Variants in BTNL8 observed in about 807,000 individuals in gnomAD.
BTNL8 encodes butyrophilin like 8, also known as butyrophilin-like protein 8.
BTNL8 carries 22 observed loss-of-function variants against 36.1 expected under a neutral mutation model. The ratio of observed to expected loss-of-function variants is 0.61; its 90% CI spans 0.44 to 0.87. The LOEUF (loss-of-function observed/expected upper bound fraction) is 0.87. Among genes scored for constraint, BTNL8 ranks in the 40% least tolerant of loss-of-function variants. The probability of loss-of-function intolerance (pLI) is 0.00; values close to 1 mark genes in which losing one functional copy is unlikely to be tolerated. For synonymous variants in BTNL8, 203 were observed against 235.6 expected, an observed-to-expected ratio of 0.86 and a Z score of 1.27; for missense variants, 526 against 616.9, an observed-to-expected ratio of 0.85 and a Z score of 1.56.
At chr5:180,923,785 A>G (rs1359572363) in intron 3 of BTNL8, among the ~76,000 whole-genome samples, 1 of 152,250 alleles carries the variant, frequency 6.6e-6, no homozygotes, top group East Asian at 1.9e-4. Context: ...CTTTCAATTT[A>G]TACTTCATTA....
At chr5:180,909,279 A>C (rs1443624176) in intron 2 of BTNL8, among the ~76,000 whole-genome samples, 1 of 152,228 alleles carries the variant, frequency 6.6e-6, no homozygotes, top group Non-Finnish European at 1.5e-5. Flanking sequence ...TTCACACCGC[A>C]GGTGACCTTT....
intron 7 of BTNL8, 173 bp from the exon 8 acceptor site, chr5:180,949,731 C>A: frequency 1.2e-6 from 1 of 817,156 alleles, no homozygotes; most frequent in East Asian, 2.8e-5. Context: ...ATGAGTCCTC[C>A]AGGCTGCACT....
At chr5:180,941,110 G>GAGGAAAGAAGGA (rs1758917820) in intron 3 of BTNL8, among the ~76,000 whole-genome samples, 1 of 126,820 alleles carries the variant, frequency 7.9e-6, no homozygotes, top group Non-Finnish European at 1.6e-5. Context: ...GGAAGGAAGG[G>GAGGAAAGAAGGA]AGGAAGGAAG....
rs141812934 is a variant in BTNL8 at position 180,900,855 on chromosome 5, A to G, written c.49+1496A>G. On this transcript the variant is annotated intron_variant, in intron 1 of 7. Coordinates refer to ENST00000340184, the MANE Select transcript of BTNL8 (RefSeq NM_001040462.3). ...GATGGTGGCTCAGAGTCATTCCAAC[A>G]TCTACTGTCTCCTTTCCCCACTGGG... Among the ~76,000 whole-genome samples the G allele has an allele frequency of 6.6e-3, 1,009 of 152,326 alleles. 9 individuals carry two copies. Among genetic ancestry groups the G allele is most frequent in the African/African-American group, 0.023 (960 of 41,574 alleles).
intron 1 of BTNL8, 146 bp from the exon 2 acceptor site, chr5:180,908,440 C>G (rs1448019891): frequency 7.7e-6 from 6 of 780,190 alleles, no homozygotes; most frequent in Non-Finnish European, 8.1e-6. Flanking sequence ...AACCCGGTAC[C>G]TCAGATGGAA....
intron 3 of BTNL8, among the ~76,000 whole-genome samples, chr5:180,945,241 A>G (rs1759179327): frequency 6.6e-6 from 1 of 152,234 alleles, no homozygotes; most frequent in South Asian, 2.1e-4. Context: ...AATAAATGAT[A>G]TTGAAACAAG....
intron 1 of BTNL8, among the ~76,000 whole-genome samples, chr5:180,906,094 G>A (rs10479590): frequency 0.3 from 36,645 of 121,552 alleles, 6,676 homozygotes; most frequent in African/African-American, 0.5. Context: ...TTTCTGTCTC[G>A]TTGATCTATC....
intron 1 of BTNL8, among the ~76,000 whole-genome samples, chr5:180,907,656 G>A (rs1349619805): frequency 3.7e-4 from 56 of 150,740 alleles, no homozygotes; most frequent in South Asian, 1.0e-3. Context: ...TTGTGGTTTT[G>A]TCTACTTTTG....
At chr5:180,931,760 ACCATCTTGTG>A (rs1758395582) in intron 3 of BTNL8, among the ~76,000 whole-genome samples, 1 of 152,228 alleles carries the variant, frequency 6.6e-6, no homozygotes, top group Admixed American at 6.5e-5. Context: ...ACAATGAGAT[ACCATCTTGTG>A]CCAGTTAGAA....
intron 3 of BTNL8, among the ~76,000 whole-genome samples, chr5:180,933,429 A>T (rs529442933): frequency 1.3e-5 from 2 of 152,218 alleles, no homozygotes; most frequent in Non-Finnish European, 2.9e-5. Flanking sequence ...ATTTAAGAGG[A>T]TTAAACTCAT....
intron 7 of BTNL8, 132 bp from the exon 8 acceptor site, chr5:180,949,770 CTG>C: frequency 6.2e-6 from 7 of 1,120,920 alleles, no homozygotes; most frequent in Non-Finnish European, 8.9e-6. Flanking sequence ...AAGGCAGTGT[CTG>C]CGGGAGGCTC....
At chr5:180,947,780 C>A in intron 4 of BTNL8, 155 bp downstream of exon 4, 1 of 1,607,866 alleles carries the variant, frequency 6.2e-7, no homozygotes, top group South Asian at 1.1e-5. Flanking sequence ...CTAGGGTATT[C>A]TAACATCTCT....
intron 3 of BTNL8, among the ~76,000 whole-genome samples, chr5:180,946,769 A>G (rs1363391115): frequency 6.6e-6 from 1 of 152,248 alleles, no homozygotes; most frequent in East Asian, 1.9e-4. Flanking sequence ...TAAATGTCTC[A>G]TCATAAAAAT....
At chr5:180,942,510 T>C (rs1759035878) in intron 3 of BTNL8, among the ~76,000 whole-genome samples, 1 of 152,116 alleles carries the variant, frequency 6.6e-6, no homozygotes, top group Admixed American at 6.6e-5. Flanking sequence ...AGAACAAAGC[T>C]GGAAGTATCA....
Position 180,908,624 on chromosome 5 carries a change from G to A in BTNL8, c.88G>A (p.Ala30Thr). 3.1e-6 allele frequency: 5 copies of A among 1,614,216 alleles called. No homozygotes were observed. Among genetic ancestry groups the A allele is most frequent in the Non-Finnish European group, 4.2e-6 (5 of 1,180,040 alleles). The change falls in exon 2 of 8, where the codon GCC becomes ACC. Residue 30 changes from alanine to threonine, a missense_variant. This residue lies in a region of BTNL8 where 350 missense variants were observed against 324.6 expected (regional missense o/e 1.08). Transcript: ENST00000340184. ...GTTTGGGCCAGACAAGCCTGTCCAG[G>A]CCTTGGTGGGGGAGGACGCAGCATT... The part of the protein sequence containing the change: ...QVFGPDKPVQ[A>T]LVGEDAAFSC...
intron 3 of BTNL8, among the ~76,000 whole-genome samples, chr5:180,917,506 C>G (rs1035997246): frequency 8.6e-5 from 13 of 151,724 alleles, no homozygotes; most frequent in Non-Finnish European, 1.3e-4. Context: ...CAAGGTTAGA[C>G]TACGGCACTA....
chr5:180,939,971 G>T (rs963883356), intron 3 of BTNL8, among the ~76,000 whole-genome samples: 1 of 152,000 alleles, frequency 6.6e-6, no homozygotes, highest in Non-Finnish European at 1.5e-5. Flanking sequence ...GAAATTAAAC[G>T]ACATTCTTCT....
chr5:180,936,134 C>T (rs893538907), intron 3 of BTNL8, among the ~76,000 whole-genome samples: 4 of 152,022 alleles, frequency 2.6e-5, no homozygotes, highest in Admixed American at 1.3e-4. Context: ...TGGTCTCGAT[C>T]TCTTGACCTT....
At chr5:180,944,403 C>T (rs887873386) in intron 3 of BTNL8, among the ~76,000 whole-genome samples, 3 of 151,930 alleles carry the variant, frequency 2.0e-5, no homozygotes, top group African/African-American at 7.3e-5. Flanking sequence ...ACATGTATCA[C>T]GACATCACAT....
Sources: allele counts gnomAD v4.1 joint callset (sites outside exome capture counted in the v4.1 genomes callset), GRCh38; gene constraint gnomAD v4.1.1; regional missense constraint gnomAD v4.1.1; transcripts MANE v1.5; gene names NCBI Gene and HGNC (gene_info 2026-07-23, HGNC 2026-07-21).